PRRC2B: variants seen among roughly 807,000 people sequenced by gnomAD.
The protein encoded by PRRC2B is protein PRRC2B.
Under a neutral mutation model 242.3 loss-of-function variants are expected in PRRC2B, and 68 were observed. That is an observed-to-expected ratio of 0.28 (90% CI 0.23 to 0.34). The LOEUF (loss-of-function observed/expected upper bound fraction) is 0.34, where lower values mean the gene tolerates loss of function less well. Ranked by LOEUF, PRRC2B falls within the 10% of genes least tolerant of loss-of-function variation. The pLI is 1.00. For synonymous variants in PRRC2B, 1,228 were observed against 1,173.6 expected (o/e 1.05, Z -0.95); for missense variants, 2,835 against 2,954.8 (o/e 0.96, Z 0.94).
At chr9:131,451,443 CCAGA>C (rs1432288820) in intron 9 of PRRC2B, among the ~76,000 whole-genome samples, 1 of 151,892 alleles carries the variant, frequency 6.6e-6, no homozygotes, top group Non-Finnish European at 1.5e-5. Flanking sequence ...TTCACTGGTA[CCAGA>C]CACTTTGTTG....
At chr9:131,405,969 C>G (rs1030040592) in intron 1 of PRRC2B, among the ~76,000 whole-genome samples, 5 of 152,112 alleles carry the variant, frequency 3.3e-5, no homozygotes, top group African/African-American at 1.2e-4. Flanking sequence ...GATAGTAACA[C>G]CTTCATAGGA....
At chr9:131,377,296 G>C (rs1836698647) in intron 1 of PRRC2B, among the ~76,000 whole-genome samples, 1 of 152,126 alleles carries the variant, frequency 6.6e-6, no homozygotes. Flanking sequence ...TGTATTTTTA[G>C]TACAGACGGG....
At chr9:131,386,512 TTTGAC>T (rs1223368238) in intron 1 of PRRC2B, among the ~76,000 whole-genome samples, 1 of 150,204 alleles carries the variant, frequency 6.7e-6, no homozygotes, top group Non-Finnish European at 1.5e-5. Flanking sequence ...GAACAGAGCC[TTTGAC>T]TTGACTTTCC....
At chr9:131,382,296 C>T (rs776980955) in intron 1 of PRRC2B, among the ~76,000 whole-genome samples, 9 of 152,286 alleles carry the variant, frequency 5.9e-5, no homozygotes, top group South Asian at 2.1e-4. Context: ...GGATTACAGA[C>T]GTGAGCTACC....
At chr9:131,476,632 G>T in intron 16 of PRRC2B, 97 bp downstream of exon 16, 2 of 1,151,240 alleles carry the variant, frequency 1.7e-6, no homozygotes, top group Non-Finnish European at 2.4e-6. Context: ...GTGTGTCGGG[G>T]CTGGGGGCCT....
At chr9:131,386,589 G>A (rs1037751647) in intron 1 of PRRC2B, among the ~76,000 whole-genome samples, 2 of 149,908 alleles carry the variant, frequency 1.3e-5, no homozygotes, top group African/African-American at 4.9e-5. Context: ...TTTTTCATAC[G>A]CTTATGTCCT....
rs189513409 is a variant in PRRC2B at position 131,474,889 on chromosome 9, C to G, written c.2760C>G (p.Pro920=). 2 of 1,595,460 alleles carry G rather than the reference C, an allele frequency of 1.3e-6. No homozygotes were observed. The highest frequency in any genetic ancestry group is 1.7e-6 in the Non-Finnish European group (2 of 1,171,952). The change falls in exon 16 of 32, where the codon CCC becomes CCG. Residue 920 remains proline (P), a synonymous_variant. Transcript: ENST00000683519. ...KQPSSEPEWT[P]EPRSSSSQHP... ...CATCCTCGGAGCCTGAATGGACTCC[C>G]GAGCCCCGGAGCTCCAGCAGCCAGC...
intron 13 of PRRC2B, among the ~76,000 whole-genome samples, chr9:131,469,891 T>A (rs1198243952): frequency 6.6e-6 from 1 of 152,132 alleles, no homozygotes; most frequent in Non-Finnish European, 1.5e-5. Flanking sequence ...GGGAGTCTCT[T>A]AGGGTTCAGT....
chr9:131,427,942 G>T (rs1588244296), intron 1 of PRRC2B, among the ~76,000 whole-genome samples: 1 of 152,302 alleles, frequency 6.6e-6, no homozygotes, highest in East Asian at 1.9e-4. Context: ...TTGTTGTTGA[G>T]ATGGAGTCTT....
At chr9:131,450,794 G>T (rs1483710395) in intron 9 of PRRC2B, among the ~76,000 whole-genome samples, 1 of 151,878 alleles carries the variant, frequency 6.6e-6, no homozygotes, top group Admixed American at 6.6e-5. Context: ...CACCATGTTG[G>T]CCAGGCTGAT....
At chr9:131,492,089 C>A in intron 29 of PRRC2B, 80 bp from the exon 30 acceptor site, 2 of 1,130,534 alleles carry the variant, frequency 1.8e-6, no homozygotes, top group Non-Finnish European at 2.7e-6. Context: ...ACCACCTCTG[C>A]CCTGGGTTGT....
chr9:131,476,545 G>T lies in PRRC2B; in HGVS notation c.4406+10G>T, dbSNP rs1351217254. On this transcript the variant is annotated intron_variant, in intron 16 of 31. Transcript: ENST00000683519. ...CTTTGAAAGTGAAAAGGTAAAACCAGACACCATCTGGGCCCTTTTTGTTGT... is the reference window on the plus strand; with the variant it reads ...CTTTGAAAGTGAAAAGGTAAAACCATACACCATCTGGGCCCTTTTTGTTGT... 1 of 1,567,518 alleles carries T rather than the reference G, an allele frequency of 6.4e-7. No homozygotes were observed. Among genetic ancestry groups the T allele is most frequent in the South Asian group, 1.2e-5 (1 of 84,318 alleles).
At chr9:131,459,039 G>C (rs1943165215) in intron 10 of PRRC2B, 125 bp from the exon 11 acceptor site, 4 of 756,284 alleles carry the variant, frequency 5.3e-6, no homozygotes, top group Non-Finnish European at 8.7e-6. Flanking sequence ...TGGGAGTGGT[G>C]GTCCATTCTA....
intron 1 of PRRC2B, among the ~76,000 whole-genome samples, chr9:131,422,868 G>C (rs1165904474): frequency 6.6e-6 from 1 of 152,126 alleles, no homozygotes; most frequent in Non-Finnish European, 1.5e-5. Flanking sequence ...CCATTGATTT[G>C]TTCCCAAATC....
In PRRC2B at chr9:131,473,593, A is replaced by C. The variant is rs764978346; in HGVS notation, c.2193A>C (p.Gln731His). 6.2e-7 allele frequency: 1 copy of C among 1,612,544 alleles called. No individual in the cohort carries two copies. Among genetic ancestry groups the C allele is most frequent in the East Asian group, 2.2e-5 (1 of 44,816 alleles). The part of the protein sequence containing the change: ...SEDQNCVPPL[Q>H]ERKVTPIDSP... ...ATCAGAACTGTGTGCCCCCACTCCAAGAAAGAAAAGTGACCCCCATCGACT... is the reference window on the plus strand; with the variant it reads ...ATCAGAACTGTGTGCCCCCACTCCACGAAAGAAAAGTGACCCCCATCGACT... The change falls in exon 15 of 32, where the codon CAA becomes CAC. Residue 731 changes from glutamine to histidine, a missense_variant. By Grantham distance (24) the Gln-to-His change is conservative. Coordinates refer to ENST00000683519, the MANE Select transcript of PRRC2B (RefSeq NM_013318.4).
intron 4 of PRRC2B, among the ~76,000 whole-genome samples, chr9:131,438,295 C>T (rs1838440300): frequency 6.6e-6 from 1 of 152,064 alleles, no homozygotes. Flanking sequence ...GGAGACTGGT[C>T]CTGGTCCTGC....
Position 131,474,912 on chromosome 9 carries a change from A to AGCACCCG in PRRC2B, c.2785_2791dup (p.Glu931AlafsTer32). ...CCCGAGCCCCGGAGCTCCAGCAGCC[A>AGCACCCG]GCACCCGGAGCAGACGGGCAGGACC... On this transcript the variant is annotated frameshift_variant, in exon 16 of 32. Transcript: ENST00000683519. LOFTEE classifies it high-confidence loss of function. 1 of 1,594,448 alleles carries AGCACCCG rather than the reference A, an allele frequency of 6.3e-7. No individual in the cohort carries two copies. Among genetic ancestry groups the AGCACCCG allele is most frequent in the Non-Finnish European group, 8.5e-7 (1 of 1,171,096 alleles).
chr9:131,485,888 C>A (rs1009255672), intron 25 of PRRC2B, 197 bp from the exon 26 acceptor site: 1 of 711,408 alleles, frequency 1.4e-6, no homozygotes, highest in African/African-American at 1.7e-5. Context: ...CCCTACGTTC[C>A]CTGAGGTGCG....
intron 1 of PRRC2B, among the ~76,000 whole-genome samples, chr9:131,407,091 G>A (rs1054956690): frequency 6.6e-6 from 1 of 152,160 alleles, no homozygotes; most frequent in Non-Finnish European, 1.5e-5. Context: ...GGGGAGAAAA[G>A]GCCATTGTAA....
Sources: gnomAD v4.1 joint callset for allele counts (sites outside exome capture counted in the v4.1 genomes callset) on GRCh38, gnomAD v4.1.1 for gene constraint, MANE v1.5 for transcripts, NCBI Gene and HGNC (gene_info 2026-07-23, HGNC 2026-07-21) for gene names.